Variants in ADAMTSL3 observed in about 807,000 individuals in gnomAD.
ADAMTSL3 encodes ADAMTS-like protein 3.
A neutral mutation model predicts 201.7 loss-of-function variants in ADAMTSL3; 128 were observed. That is an observed-to-expected ratio of 0.63 (90% CI 0.55 to 0.73). The LOEUF is 0.73. Ranked by LOEUF, ADAMTSL3 falls within the 30% of genes least tolerant of loss-of-function variation. The probability of loss-of-function intolerance (pLI) is 0.00; values close to 1 mark genes in which losing one functional copy is unlikely to be tolerated. For synonymous variants in ADAMTSL3, 738 were observed against 748.4 expected (o/e 0.99, Z 0.23); for missense variants, 1,990 against 2,119.6 (o/e 0.94, Z 1.20).
chr15:83,689,232 T>G (rs2061581376), intron 2 of ADAMTSL3, among the ~76,000 whole-genome samples: 1 of 152,202 alleles, frequency 6.6e-6, no homozygotes, highest in Non-Finnish European at 1.5e-5. Context: ...CAATAATACG[T>G]AAGATGGCTC....
intron 6 of ADAMTSL3, among the ~76,000 whole-genome samples, chr15:83,832,644 T>A (rs1216594510): frequency 6.6e-6 from 1 of 152,214 alleles, no homozygotes; most frequent in Admixed American, 6.5e-5. Flanking sequence ...CAGTGTCTGG[T>A]GAGGGCCTAC....
chr15:83,869,768 G>C (rs977657829), intron 8 of ADAMTSL3, among the ~76,000 whole-genome samples: 1 of 152,138 alleles, frequency 6.6e-6, no homozygotes, highest in Non-Finnish European at 1.5e-5. Flanking sequence ...TTAAAGACTG[G>C]TATGATATCA....
intron 21 of ADAMTSL3, among the ~76,000 whole-genome samples, chr15:83,987,274 G>A (rs758582776): frequency 3.9e-5 from 6 of 152,164 alleles, no homozygotes; most frequent in Non-Finnish European, 7.4e-5. Flanking sequence ...ACTTCTGCCA[G>A]CTTTTGTATA....
rs770341261 is a variant in ADAMTSL3 at position 83,890,129 on chromosome 15, G to A, written c.1093G>A (p.Glu365Lys). 1 of 1,613,362 alleles carries A rather than the reference G, an allele frequency of 6.2e-7. No homozygotes were observed. Among genetic ancestry groups the A allele is most frequent in the Non-Finnish European group, 8.5e-7 (1 of 1,179,642 alleles). The change falls in exon 11 of 30, where the codon GAA (glutamate) becomes AAA (lysine). Residue 365 changes from glutamate (E) to lysine (K), a missense_variant. Transcript: ENST00000286744. ...CGGGYQLNSA[E>K]CVDIRLKRVV... ...TTTAGGTTATCAGCTCAATTCTGCT[G>A]AATGTGTGGATATCCGCTTGAAGAG...
intron 2 of ADAMTSL3, among the ~76,000 whole-genome samples, chr15:83,656,477 T>A (rs557105482): frequency 2.6e-5 from 4 of 152,356 alleles, no homozygotes; most frequent in African/African-American, 9.6e-5. Context: ...ATCTGATCGT[T>A]GCTAAGTGGA....
chr15:83,825,937 A>G (rs967841831), intron 6 of ADAMTSL3, among the ~76,000 whole-genome samples: 2 of 152,180 alleles, frequency 1.3e-5, no homozygotes, highest in Non-Finnish European at 2.9e-5. Flanking sequence ...TCATAATTTT[A>G]TAAAGAATTT....
chr15:83,744,554 A>G (rs1165712783), intron 3 of ADAMTSL3, among the ~76,000 whole-genome samples: 1 of 152,238 alleles, frequency 6.6e-6, no homozygotes, highest in African/African-American at 2.4e-5. Context: ...GGACTGGCAA[A>G]GCTAATTAAC....
chr15:83,958,363 T>A (rs956932407), intron 19 of ADAMTSL3, among the ~76,000 whole-genome samples: 3 of 152,138 alleles, frequency 2.0e-5, no homozygotes, highest in African/African-American at 7.2e-5. Flanking sequence ...AGAATTATAA[T>A]CCAAGTGGAG....
At chr15:83,816,270 T>C (rs377086877) in intron 5 of ADAMTSL3, among the ~76,000 whole-genome samples, 2 of 152,314 alleles carry the variant, frequency 1.3e-5, no homozygotes, top group African/African-American at 4.8e-5. Context: ...AGTTCTTAGC[T>C]CTCTTAGCTC....
chr15:83,952,803 C>T (rs1165429463), intron 19 of ADAMTSL3, among the ~76,000 whole-genome samples: 14 of 129,340 alleles, frequency 1.1e-4, no homozygotes, highest in African/African-American at 3.8e-4. Flanking sequence ...AAGATTCCAC[C>T]TCAAAAAAAA....
intron 23 of ADAMTSL3, among the ~76,000 whole-genome samples, chr15:84,001,097 T>C (rs2067784387): frequency 6.6e-6 from 1 of 152,200 alleles, no homozygotes; most frequent in South Asian, 2.1e-4. Context: ...GATTGGATTA[T>C]TGGACCCCAA....
chr15:84,028,266 A>G (rs2068346138), intron 27 of ADAMTSL3, among the ~76,000 whole-genome samples: 1 of 152,226 alleles, frequency 6.6e-6, no homozygotes, highest in Admixed American at 6.5e-5. Context: ...AGCCAAAAAA[A>G]GAAAAAAGGC....
chr15:83,888,328 TTG>T (rs553701036), intron 10 of ADAMTSL3, among the ~76,000 whole-genome samples: 180 of 152,362 alleles, frequency 1.2e-3, no homozygotes, highest in Middle Eastern at 3.4e-3. Flanking sequence ...GGAAAATTAA[TTG>T]TCTCTCCTCA....
chr15:83,842,264 G>A (rs1181267231), intron 7 of ADAMTSL3, among the ~76,000 whole-genome samples: 3 of 151,978 alleles, frequency 2.0e-5, no homozygotes, highest in Non-Finnish European at 4.4e-5. Flanking sequence ...TACAGAAAGC[G>A]CTGCGATACC....
chr15:83,869,808 C>CT (rs2065048716), intron 8 of ADAMTSL3, among the ~76,000 whole-genome samples: 1 of 152,104 alleles, frequency 6.6e-6, no homozygotes, highest in Admixed American at 6.6e-5. Flanking sequence ...TAGAATAGAG[C>CT]TGGACCTGAG....
intron 20 of ADAMTSL3, among the ~76,000 whole-genome samples, chr15:83,973,213 G>A (rs1251904286): frequency 6.6e-6 from 1 of 151,978 alleles, no homozygotes; most frequent in Non-Finnish European, 1.5e-5. Flanking sequence ...TCACTACTTG[G>A]CACTCAGAAT....
At chr15:83,979,527 A>G (rs1189379148) in intron 20 of ADAMTSL3, among the ~76,000 whole-genome samples, 3 of 152,246 alleles carry the variant, frequency 2.0e-5, no homozygotes, top group African/African-American at 4.8e-5. Flanking sequence ...AACAACGTTA[A>G]TATGTGATTG....
At chr15:83,688,749 T>TAC (rs1157433275) in intron 2 of ADAMTSL3, among the ~76,000 whole-genome samples, 642 of 48,960 alleles carry the variant, frequency 0.013, 3 homozygotes, top group Middle Eastern at 0.033. Flanking sequence ...TACACATGCA[T>TAC]ATATATACAC....
chr15:83,989,431 G>A (rs2067544318), intron 22 of ADAMTSL3, among the ~76,000 whole-genome samples: 1 of 152,218 alleles, frequency 6.6e-6, no homozygotes, highest in African/African-American at 2.4e-5. Flanking sequence ...AGGAAATAAT[G>A]AGATGGAGTT....
Sources: gnomAD v4.1 joint callset for allele counts (sites outside exome capture counted in the v4.1 genomes callset) on GRCh38, gnomAD v4.1.1 for gene constraint, MANE v1.5 for transcripts, NCBI Gene and HGNC (gene_info 2026-07-23, HGNC 2026-07-21) for gene names.